Variants in TAF13 observed in about 807,000 individuals in gnomAD.
The protein encoded by TAF13 is transcription initiation factor TFIID subunit 13.
Under a neutral mutation model 18.7 loss-of-function variants are expected in TAF13, and 9 were observed. The ratio of observed to expected loss-of-function variants is 0.48; its 90% CI spans 0.29 to 0.84. The LOEUF (loss-of-function observed/expected upper bound fraction) is 0.84, where lower values mean the gene tolerates loss of function less well. TAF13 is among the 40% of genes least tolerant of loss of function. The probability of loss-of-function intolerance (pLI) is 0.08; values close to 1 mark genes in which losing one functional copy is unlikely to be tolerated. For missense variants in TAF13, 105 were observed against 146.5 expected, an observed-to-expected ratio of 0.72 and a Z score of 1.46; for synonymous variants, 49 against 44.1, an observed-to-expected ratio of 1.11 and a Z score of -0.44.
intron 2 of TAF13, among the ~76,000 whole-genome samples, chr1:109,070,541 G>C (rs140381712): frequency 0.021 from 3,152 of 151,206 alleles, 64 homozygotes; most frequent in South Asian, 0.029. Flanking sequence ...TTATAGGCAT[G>C]CACCACCACG....
chr1:109,064,786 T>C (rs1327349666), intron 3 of TAF13, 93 bp from the exon 4 acceptor site: 5 of 1,029,042 alleles, frequency 4.9e-6, no homozygotes, highest in Non-Finnish European at 6.5e-6. Context: ...AGGTAGAAGA[T>C]TTTCTCTTAT....
chr1:109,069,658 T>C (rs571878176), intron 2 of TAF13, among the ~76,000 whole-genome samples: 2 of 151,984 alleles, frequency 1.3e-5, no homozygotes, highest in Non-Finnish European at 2.9e-5. Context: ...AAGATACTCA[T>C]AGAATACTTC....
intron 2 of TAF13, among the ~76,000 whole-genome samples, chr1:109,070,032 G>A (rs1368293838): frequency 6.6e-6 from 1 of 152,086 alleles, no homozygotes; most frequent in Non-Finnish European, 1.5e-5. Context: ...TACAACCATA[G>A]GGAGTCATCA....
rs6604757 is a variant in TAF13 at position 109,064,493 on chromosome 1, G to A, written c.*30C>T. ...ACAATTATTATATATGGTTTCCCCAGATGGTAATTTTCGGAAACTACAAAA... is the reference window on the plus strand; with the variant it reads ...ACAATTATTATATATGGTTTCCCCAAATGGTAATTTTCGGAAACTACAAAA... On this transcript the variant is annotated 3_prime_UTR_variant, in exon 4 of 4. Transcript: ENST00000338366. The A allele has an allele frequency of 7.2e-7, 1 of 1,395,714 alleles. No individual in the cohort carries two copies. The allele number at this position is 1,395,714 out of a possible 1,614,324, so 86.5% of individuals were successfully genotyped here. A position where few individuals can be genotyped will look rare whatever the true frequency, so the allele number is the denominator to read the frequency against.
At position 109,064,406 on chromosome 1, in the gene TAF13, CTT is replaced by C. The variant is rs1663916504; in HGVS notation, c.*115_*116del. The C allele has an allele frequency of 2.0e-6, 2 of 1,003,100 alleles. No homozygotes were observed. Among genetic ancestry groups the C allele is most frequent in the South Asian group, 3.3e-5 (1 of 30,012 alleles). 62.1% of individuals were successfully genotyped at this position (1,003,100 alleles called of 1,614,324 possible). A position where few individuals can be genotyped will look rare whatever the true frequency, so the allele number is the denominator to read the frequency against. ...AAGGCATAAAAATAAAGGCTGAAAACTTTGTGTTTCTCCATCTTTCATTTACA... is the reference window on the plus strand; with the variant it reads ...AAGGCATAAAAATAAAGGCTGAAAACTGTGTTTCTCCATCTTTCATTTACA... On this transcript the variant is annotated 3_prime_UTR_variant, in exon 4 of 4. Transcript: ENST00000338366.
rs1233768740 is a variant in TAF13 at position 109,064,419 on chromosome 1, C to T, written c.*104G>A. Reference sequence around the variant, plus strand: ...AAAGGCTGAAAACTTTGTGTTTCTCCATCTTTCATTTACATGGCTAGATAT... The same window carrying T: ...AAAGGCTGAAAACTTTGTGTTTCTCTATCTTTCATTTACATGGCTAGATAT... On this transcript the variant is annotated 3_prime_UTR_variant, in exon 4 of 4. Coordinates refer to ENST00000338366, the MANE Select transcript of TAF13 (RefSeq NM_005645.4). 1.0e-5 allele frequency: 11 copies of T among 1,100,944 alleles called. No homozygotes were observed. The highest frequency in any genetic ancestry group is 1.2e-5 in the Non-Finnish European group (10 of 831,276). The allele number at this position is 1,100,944 out of a possible 1,614,324, so 68.2% of individuals were successfully genotyped here.
chr1:109,069,796 G>A (rs1410814977), intron 2 of TAF13, among the ~76,000 whole-genome samples: 1 of 152,096 alleles, frequency 6.6e-6, no homozygotes, highest in East Asian at 1.9e-4. Context: ...ACCAGCCTGA[G>A]ATAGACATAT....
chr1:109,075,107 CT>C, intron 1 of TAF13, 42 bp from the exon 2 acceptor site: 4 of 1,483,848 alleles, frequency 2.7e-6, no homozygotes, highest in Non-Finnish European at 3.7e-6. Flanking sequence ...AAATAATTGC[CT>C]TGCATTTGAT....
chr1:109,072,011 T>C (rs1476015684), intron 2 of TAF13, among the ~76,000 whole-genome samples: 1 of 2,686 alleles, frequency 3.7e-4, no homozygotes, highest in African/African-American at 1.1e-3. Flanking sequence ...TATATATATA[T>C]ATACACACAC....
In TAF13 at chr1:109,069,482, T is replaced by C. The variant is rs188120852; in HGVS notation, c.107-3250A>G. ...AGGAAAAAAGTCTATACATATTCAATAGAGGCACAGTTTTTTTTTCTGAAT... is the reference window on the plus strand; with the variant it reads ...AGGAAAAAAGTCTATACATATTCAACAGAGGCACAGTTTTTTTTTCTGAAT... On this transcript the variant is annotated intron_variant, in intron 2 of 3. Coordinates refer to ENST00000338366, the MANE Select transcript of TAF13 (RefSeq NM_005645.4). Among the ~76,000 whole-genome samples, 6 of 152,280 alleles carry C rather than the reference T, an allele frequency of 3.9e-5. No homozygotes were observed. The East Asian group carries it at 1.2e-3, about 29-fold the overall frequency.
At chr1:109,067,965 T>C (rs1008783436) in intron 2 of TAF13, among the ~76,000 whole-genome samples, 1 of 152,218 alleles carries the variant, frequency 6.6e-6, no homozygotes, top group East Asian at 1.9e-4. Flanking sequence ...AGTTGTAGTT[T>C]AGGGCAGACA....
rs1663946077 is a variant in TAF13, at chr1:109,066,055, A to AT, written c.204+79dup. 3.4e-6 allele frequency: 4 copies of AT among 1,189,856 alleles called. 1 individual carries two copies. In the South Asian group the frequency reaches 5.5e-5, roughly 16 times the overall value. 73.7% of individuals were successfully genotyped at this position (1,189,856 alleles called of 1,614,324 possible). On this transcript the variant is annotated intron_variant, in intron 3 of 3. Transcript: ENST00000338366. ...GGATAGCTTATTTCAAAGGGATGCC[A>AT]TAAGTTCTAGTCTTACCTAAAGTTT...
chr1:109,075,858 C>A, intron 1 of TAF13, 63 bp downstream of exon 1: 1 of 1,609,722 alleles, frequency 6.2e-7, no homozygotes, highest in Non-Finnish European at 8.5e-7. Context: ...CTGAACTCTG[C>A]CTCCGCTACT....
At chr1:109,074,496 T>C (rs1204352076) in intron 2 of TAF13, among the ~76,000 whole-genome samples, 1 of 152,196 alleles carries the variant, frequency 6.6e-6, no homozygotes, top group Non-Finnish European at 1.5e-5. Flanking sequence ...CACATGTTTA[T>C]CTGCTGACCT....
chr1:109,068,857 G>C (rs1410335358), intron 2 of TAF13, among the ~76,000 whole-genome samples: 4 of 152,024 alleles, frequency 2.6e-5, no homozygotes, highest in Non-Finnish European at 4.4e-5. Context: ...CAAAAATTAG[G>C]GGGGCGTGGT....
At chr1:109,071,754 C>A (rs566817326) in intron 2 of TAF13, among the ~76,000 whole-genome samples, 6 of 151,592 alleles carry the variant, frequency 4.0e-5, no homozygotes, top group Non-Finnish European at 7.4e-5. Flanking sequence ...GAGATCAAGA[C>A]CATCCTGGCC....
intron 1 of TAF13, among the ~76,000 whole-genome samples, chr1:109,075,621 A>T (rs535621384): frequency 6.6e-6 from 1 of 152,322 alleles, no homozygotes; most frequent in Admixed American, 6.5e-5. Flanking sequence ...TTTTGTTAAC[A>T]ATTGAACTGT....
chr1:109,064,856 T>C (rs1372690109), intron 3 of TAF13, among the ~76,000 whole-genome samples, 163 bp from the exon 4 acceptor site: 1 of 152,170 alleles, frequency 6.6e-6, no homozygotes, highest in East Asian at 1.9e-4. Context: ...TTTGTCTATT[T>C]TCTACTGGAT....
At chr1:109,075,861 C>T in intron 1 of TAF13, 60 bp downstream of exon 1, 2 of 1,610,916 alleles carry the variant, frequency 1.2e-6, no homozygotes, top group Non-Finnish European at 1.7e-6. Flanking sequence ...AACTCTGCCT[C>T]CGCTACTGAG....
Sources: gnomAD v4.1 joint callset for allele counts (sites outside exome capture counted in the v4.1 genomes callset) on GRCh38, gnomAD v4.1.1 for gene constraint, MANE v1.5 for transcripts, NCBI Gene and HGNC (gene_info 2026-07-23, HGNC 2026-07-21) for gene names.